GLDC: variants seen among roughly 807,000 people sequenced by gnomAD.
GLDC encodes the protein glycine dehydrogenase (decarboxylating), mitochondrial.
GLDC carries 104 observed loss-of-function variants against 121.3 expected under a neutral mutation model. That is an observed-to-expected ratio of 0.86 (90% confidence interval 0.73 to 1.01). The LOEUF (loss-of-function observed/expected upper bound fraction) is 1.01, where lower values mean the gene tolerates loss of function less well. Ranked by LOEUF, GLDC falls within the 50% of genes least tolerant of loss-of-function variation. GLDC has a pLI of 0.00. For synonymous variants in GLDC, 546 were observed against 480.6 expected (o/e 1.14, Z -1.78); for missense variants, 1,429 against 1,306.6 (o/e 1.09, Z -1.44).
At chr9:6,637,501 G>A (rs1469899113) in intron 2 of GLDC, among the ~76,000 whole-genome samples, 1 of 151,786 alleles carries the variant, frequency 6.6e-6, no homozygotes, top group Non-Finnish European at 1.5e-5. Context: ...CCAGGCTGGT[G>A]TGCAGTGGCG....
intron 15 of GLDC, among the ~76,000 whole-genome samples, chr9:6,567,893 G>C (rs778161005): frequency 6.6e-6 from 1 of 152,208 alleles, no homozygotes; most frequent in Non-Finnish European, 1.5e-5. Context: ...GGAATATATA[G>C]AACAGTACTC....
chr9:6,594,372 T>C (rs932043099), intron 9 of GLDC, among the ~76,000 whole-genome samples: 9 of 151,950 alleles, frequency 5.9e-5, no homozygotes, highest in African/African-American at 2.2e-4. Flanking sequence ...ATATCACAGC[T>C]TGCCAGGAGT....
At chr9:6,577,465 G>A (rs1035720179) in intron 15 of GLDC, among the ~76,000 whole-genome samples, 2 of 152,158 alleles carry the variant, frequency 1.3e-5, no homozygotes, top group Non-Finnish European at 2.9e-5. Context: ...GGAGAACCAG[G>A]TGCAAATGAG....
At chr9:6,593,736 A>G (rs1818430505) in intron 9 of GLDC, among the ~76,000 whole-genome samples, 1 of 146,834 alleles carries the variant, frequency 6.8e-6, no homozygotes, top group Non-Finnish European at 1.5e-5. Context: ...TCTGTTGCCC[A>G]GGATGGAGTA....
At chr9:6,548,881 A>T (rs575017976) in intron 21 of GLDC, among the ~76,000 whole-genome samples, 1 of 151,856 alleles carries the variant, frequency 6.6e-6, no homozygotes, top group Non-Finnish European at 1.5e-5. Flanking sequence ...GCTTAAAATC[A>T]TGTTGTTTTC....
At chr9:6,535,589 C>G (rs1346701574) in intron 23 of GLDC, among the ~76,000 whole-genome samples, 1 of 152,124 alleles carries the variant, frequency 6.6e-6, no homozygotes, top group Non-Finnish European at 1.5e-5. Flanking sequence ...ACTTAGGACT[C>G]TGACCAGATG....
chr9:6,535,988 G>A, intron 23 of GLDC, 76 bp downstream of exon 23: 1 of 1,191,762 alleles, frequency 8.4e-7, no homozygotes, highest in South Asian at 1.2e-5. Flanking sequence ...GAGAGTTCGG[G>A]AGTTGCTGGT....
chr9:6,591,539 A>C (rs547916694), intron 11 of GLDC, among the ~76,000 whole-genome samples: 1 of 152,214 alleles, frequency 6.6e-6, no homozygotes, highest in Non-Finnish European at 1.5e-5. Context: ...TGAATGACAT[A>C]ACCAAGATAC....
intron 2 of GLDC, among the ~76,000 whole-genome samples, chr9:6,627,628 A>T (rs1819273100): frequency 6.6e-6 from 1 of 152,188 alleles, no homozygotes; most frequent in Non-Finnish European, 1.5e-5. Flanking sequence ...AGCCATTAAG[A>T]GTAGGTCCCT....
chr9:6,535,197 C>A (rs1401006837), intron 23 of GLDC, among the ~76,000 whole-genome samples: 1 of 152,098 alleles, frequency 6.6e-6, no homozygotes, highest in Non-Finnish European at 1.5e-5. Context: ...ATTTTAAAAT[C>A]TGATATCATC....
At chr9:6,584,934 G>C (rs1818239360) in intron 15 of GLDC, 1 of 152,208 alleles carries the variant, frequency 6.6e-6, no homozygotes. Flanking sequence ...GACAAAGAAA[G>C]AACACCAGGT....
chr9:6,549,223 C>G lies in GLDC; in HGVS notation c.2569+1580G>C, dbSNP rs374202817. On this transcript the variant is annotated intron_variant, in intron 21 of 24. Transcript: ENST00000321612. ...CTTTACAGTGTCTCTCCTTATTATG[C>G]GTCATCACGTGCATTTGTCTGTTGA... Among the ~76,000 whole-genome samples, 7 of 152,336 alleles carry G rather than the reference C, an allele frequency of 4.6e-5. No homozygotes were observed. The East Asian group carries it at 9.6e-4, about 21-fold the overall frequency.
intron 20 of GLDC, among the ~76,000 whole-genome samples, chr9:6,551,707 A>G (rs1817518499): frequency 6.6e-6 from 1 of 152,164 alleles, no homozygotes; most frequent in African/African-American, 2.4e-5. Flanking sequence ...AATAAGTAGA[A>G]TTCGGATAGG....
chr9:6,585,872 C>A (rs10975664), intron 15 of GLDC, among the ~76,000 whole-genome samples: 1 of 82,924 alleles, frequency 1.2e-5, no homozygotes, highest in Admixed American at 1.2e-4. Flanking sequence ...ATGTATGTAT[C>A]TATCTATCTA....
intron 6 of GLDC, 45 bp from the exon 7 acceptor site, chr9:6,604,829 C>T: frequency 6.7e-7 from 1 of 1,481,614 alleles, no homozygotes. Flanking sequence ...CTACCTTTCC[C>T]TGAGAGTAGT....
chr9:6,535,443 G>A (rs111513106), intron 23 of GLDC, among the ~76,000 whole-genome samples: 4 of 151,546 alleles, frequency 2.6e-5, no homozygotes, highest in African/African-American at 9.7e-5. Flanking sequence ...CTACAGGTAG[G>A]CAGTTTGGAA....
chr9:6,568,038 C>T (rs571064401), intron 15 of GLDC, among the ~76,000 whole-genome samples: 60 of 152,322 alleles, frequency 3.9e-4, no homozygotes, highest in African/African-American at 1.4e-3. Context: ...ATATTTACCC[C>T]TATGTTTTTC....
chr9:6,540,225 A>C (rs1817226755), intron 21 of GLDC, 79 bp from the exon 22 acceptor site: 4 of 921,732 alleles, frequency 4.3e-6, no homozygotes, highest in Admixed American at 3.4e-5. Context: ...GTAATTTAAT[A>C]AATAAGTGCA....
intron 16 of GLDC, among the ~76,000 whole-genome samples, 177 bp downstream of exon 16, chr9:6,565,177 G>C (rs1262919191): frequency 6.6e-6 from 1 of 152,210 alleles, no homozygotes; most frequent in Non-Finnish European, 1.5e-5. Flanking sequence ...AAATGGTCAA[G>C]TGGGATGTCT....
Sources: allele counts gnomAD v4.1 joint callset (sites outside exome capture counted in the v4.1 genomes callset), GRCh38; gene constraint gnomAD v4.1.1; transcripts MANE v1.5; gene names NCBI Gene and HGNC (gene_info 2026-07-23, HGNC 2026-07-21).